SLC22A2: variants seen among roughly 807,000 people sequenced by gnomAD.
SLC22A2 encodes the protein organic cation transporter 2.
Under a neutral mutation model 60.5 loss-of-function variants are expected in SLC22A2, and 46 were observed. The ratio of observed to expected loss-of-function variants is 0.76; its 90% CI spans 0.60 to 0.97. The LOEUF (loss-of-function observed/expected upper bound fraction) is 0.97. Among genes scored for constraint, SLC22A2 ranks in the 50% least tolerant of loss-of-function variants. SLC22A2 has a pLI of 0.00. For missense variants in SLC22A2, 701 were observed against 706.6 expected, an observed-to-expected ratio of 0.99 and a Z score of 0.09; for synonymous variants, 303 against 267.0, an observed-to-expected ratio of 1.13 and a Z score of -1.31.
chr6:160,254,307 C>T (rs939318881), intron 2 of SLC22A2, among the ~76,000 whole-genome samples: 6 of 151,832 alleles, frequency 4.0e-5, no homozygotes, highest in African/African-American at 7.3e-5. Context: ...AAATATAGTA[C>T]TTATAATTGC....
chr6:160,258,595 C>T lies in SLC22A2; in HGVS notation c.163G>A (p.Gly55Arg), dbSNP rs371692503. ...CAGCGCAGACTCAGCTCGGCCACTC[C>T]GGGGCTCCGGCAGCGGTGGTCAGGG... ...FTPDHRCRSP[G>R]VAELSLRCGW... is the part of the protein sequence containing the mutation. Residue 55 changes from glycine (G) to arginine (R), a missense_variant, in exon 1 of 11, where the codon GGA (glycine) becomes AGA (arginine). Transcript: ENST00000366953. The T allele has an allele frequency of 2.1e-5, 34 of 1,613,786 alleles. No homozygotes were observed. The highest frequency in any genetic ancestry group is 1.6e-4 in the Middle Eastern group (1 of 6,082).
intron 9 of SLC22A2, among the ~76,000 whole-genome samples, chr6:160,227,291 A>G (rs570485301): frequency 8.5e-5 from 13 of 152,330 alleles, no homozygotes; most frequent in Admixed American, 2.0e-4. Flanking sequence ...CTTGGTTTCC[A>G]TAACCACTTA....
intron 10 of SLC22A2, chr6:160,218,349 C>T (rs1209000345): frequency 9.6e-6 from 2 of 208,458 alleles, no homozygotes; most frequent in Admixed American, 1.4e-4. Flanking sequence ...GCAATAGAAG[C>T]AGCAGCAGGA....
chr6:160,232,573 T>C (rs201027412), intron 9 of SLC22A2, among the ~76,000 whole-genome samples: 1 of 149,540 alleles, frequency 6.7e-6, no homozygotes, highest in African/African-American at 2.5e-5. Context: ...AATGCCTCTT[T>C]AAAAAAAAAA....
intron 1 of SLC22A2, chr6:160,258,000 G>C (rs573052826): frequency 4.7e-4 from 118 of 249,422 alleles, no homozygotes; most frequent in African/African-American, 2.5e-3. Context: ...TGGAGGAATA[G>C]AGGGGGAGGT....
At chr6:160,223,122 G>T (rs958663127) in intron 10 of SLC22A2, among the ~76,000 whole-genome samples, 5 of 152,182 alleles carry the variant, frequency 3.3e-5, no homozygotes, top group African/African-American at 9.7e-5. Flanking sequence ...GTTGTTTGTG[G>T]TATCAGCAGG....
At chr6:160,239,104 C>T (rs1195383768) in intron 9 of SLC22A2, among the ~76,000 whole-genome samples, 1 of 152,128 alleles carries the variant, frequency 6.6e-6, no homozygotes, top group Non-Finnish European at 1.5e-5. Context: ...ATGGAAGTGA[C>T]CTCTGGTCAT....
At position 160,245,861 on chromosome 6, in the gene SLC22A2, CTTTTTTTTTTT is replaced by C. The variant is rs531474202; in HGVS notation, c.958-327_958-317del. Among the ~76,000 whole-genome samples the C allele has an allele frequency of 2.5e-5, 3 of 122,266 alleles. 1 individual carries two copies. Among genetic ancestry groups the C allele is most frequent in the Admixed American group, 1.7e-4 (2 of 12,084 alleles). 80.2% of individuals were successfully genotyped at this position (122,266 alleles called of 152,430 possible). On this transcript the variant is annotated intron_variant, in intron 5 of 10. Coordinates refer to ENST00000366953, the MANE Select transcript of SLC22A2 (RefSeq NM_003058.4). ...TACAGGCATGCACCACAATGCCCAG[CTTTTTTTTTTT>C]TTTTTTTTTCCCCGAGACAGGGTCT...
intron 7 of SLC22A2, 139 bp downstream of exon 7, chr6:160,243,433 G>A (rs766149172): frequency 3.4e-5 from 23 of 683,408 alleles, no homozygotes; most frequent in Non-Finnish European, 5.6e-5. Context: ...TTGCTCAGAA[G>A]GGTCCCAGAT....
intron 9 of SLC22A2, among the ~76,000 whole-genome samples, chr6:160,227,781 G>A (rs1248236064): frequency 6.6e-6 from 1 of 152,328 alleles, no homozygotes; most frequent in South Asian, 2.1e-4. Flanking sequence ...GGATGAGATA[G>A]GAGGTCAGCA....
intron 10 of SLC22A2, among the ~76,000 whole-genome samples, chr6:160,220,454 T>C (rs905663066): frequency 1.3e-5 from 2 of 152,208 alleles, no homozygotes; most frequent in African/African-American, 4.8e-5. Flanking sequence ...ATCAACTTCT[T>C]CAAAACTCCC....
intron 2 of SLC22A2, 108 bp from the exon 3 acceptor site, chr6:160,250,810 T>A: frequency 8.8e-7 from 1 of 1,141,616 alleles, no homozygotes; most frequent in Non-Finnish European, 1.3e-6. Flanking sequence ...AGGTTAACTT[T>A]AAATTTTATG....
intron 9 of SLC22A2, among the ~76,000 whole-genome samples, chr6:160,235,587 A>G (rs868325826): frequency 4.0e-5 from 3 of 74,184 alleles, no homozygotes; most frequent in Non-Finnish European, 6.0e-5. Context: ...TTAATCATGT[A>G]AAAGAAATTC....
intron 4 of SLC22A2, among the ~76,000 whole-genome samples, chr6:160,248,399 A>AT (rs1410576272): frequency 6.6e-6 from 1 of 152,192 alleles, no homozygotes; most frequent in African/African-American, 2.4e-5. Context: ...GGTCCATGGC[A>AT]TTTTGTCACT....
chr6:160,243,214 G>A (rs910951844), intron 7 of SLC22A2, among the ~76,000 whole-genome samples: 4 of 152,132 alleles, frequency 2.6e-5, no homozygotes, highest in African/African-American at 9.7e-5. Context: ...TCTGCAGGTT[G>A]ATGCAGGGAG....
At chr6:160,225,597 C>T (rs1020421270) in intron 9 of SLC22A2, among the ~76,000 whole-genome samples, 4 of 152,184 alleles carry the variant, frequency 2.6e-5, no homozygotes, top group African/African-American at 9.7e-5. Flanking sequence ...GTCTCAAGGC[C>T]TTGGGAAGTT....
In SLC22A2 at chr6:160,249,344, C is replaced by T. The variant is rs188348758; in HGVS notation, c.714G>A (p.Gly238=). 1.2e-6 allele frequency: 2 copies of T among 1,613,610 alleles called. No individual in the cohort carries two copies. The highest frequency in any genetic ancestry group is 2.2e-5 in the South Asian group (2 of 90,996). Reference sequence around the variant, plus strand: ...CTGTATAGGCAACTTGGTAAAAAATCCCCACTGTTCTCCGATATCTCCGCC... The same window carrying T: ...CTGTATAGGCAACTTGGTAAAAAATTCCCACTGTTCTCCGATATCTCCGCC... The part of the protein sequence containing the change: ...FVGRRYRRTV[G]IFYQVAYTVG... The change falls in exon 4 of 11, where the codon GGG becomes GGA. Residue 238 remains glycine, a synonymous_variant. Transcript: ENST00000366953.
chr6:160,220,664 A>T (rs1782630552), intron 10 of SLC22A2, among the ~76,000 whole-genome samples: 1 of 152,196 alleles, frequency 6.6e-6, no homozygotes, highest in Non-Finnish European at 1.5e-5. Context: ...TCCTTGATCC[A>T]TGGGCTGCAG....
At chr6:160,228,691 G>C (rs991708862) in intron 9 of SLC22A2, among the ~76,000 whole-genome samples, 1 of 152,130 alleles carries the variant, frequency 6.6e-6, no homozygotes, top group African/African-American at 2.4e-5. Flanking sequence ...CATATCCCCT[G>C]TGGCCTGCAC....
Sources: gnomAD v4.1 joint callset for allele counts (sites outside exome capture counted in the v4.1 genomes callset) on GRCh38, gnomAD v4.1.1 for gene constraint, MANE v1.5 for transcripts, NCBI Gene and HGNC (gene_info 2026-07-23, HGNC 2026-07-21) for gene names.